The following SHF variants were observed in gnomAD, a reference collection of about 807,000 sequenced individuals.
SHF encodes the protein SH2 domain-containing adapter protein F.
In SHF, 30 loss-of-function variants were observed where a neutral mutation model predicts 42.4. The ratio of observed to expected loss-of-function variants is 0.71; its 90% CI spans 0.53 to 0.96. The LOEUF (loss-of-function observed/expected upper bound fraction) is 0.96, where lower values mean the gene tolerates loss of function less well. Ranked by LOEUF, SHF falls within the 40% of genes least tolerant of loss-of-function variation. The probability of loss-of-function intolerance (pLI) is 0.00; values close to 1 mark genes in which losing one functional copy is unlikely to be tolerated. For missense variants in SHF, 598 were observed against 634.0 expected (o/e 0.94, Z 0.61); for synonymous variants, 264 against 269.9 (o/e 0.98, Z 0.21).
At chr15:45,172,779 G>C (rs1272233956) in intron 4 of SHF, among the ~76,000 whole-genome samples, 4 of 152,096 alleles carry the variant, frequency 2.6e-5, no homozygotes, top group African/African-American at 7.2e-5. Context: ...GGTTCCCCTT[G>C]GTGCCATCCT....
At position 45,187,499 on chromosome 15, in the gene SHF, C is replaced by A; in HGVS notation, c.453G>T (p.Pro151=). ...IRVETPGPPA[P]PADERISGPP... ...GTCCGGAGATCCGCTCATCAGCAGGCGGCGCCGGGGGCCCCGGGGTCTCGA... is the reference window on the plus strand; with the variant it reads ...GTCCGGAGATCCGCTCATCAGCAGGAGGCGCCGGGGGCCCCGGGGTCTCGA... Residue 151 remains proline, a synonymous_variant, in exon 1 of 7, where the codon CCG becomes CCT. Transcript: ENST00000690270. 1 of 1,232,506 alleles carries A rather than the reference C, an allele frequency of 8.1e-7. No homozygotes were observed. Among genetic ancestry groups the A allele is most frequent in the Non-Finnish European group, 1.0e-6 (1 of 988,126 alleles). 76.3% of individuals were successfully genotyped at this position (1,232,506 alleles called of 1,614,324 possible).
At position 45,187,904 on chromosome 15, in the gene SHF, TC is replaced by T; in HGVS notation, c.47del (p.Arg16GlnfsTer32). 1.7e-6 allele frequency: 2 copies of T among 1,166,654 alleles called. No individual in the cohort carries two copies. The highest frequency in any genetic ancestry group is 2.1e-6 in the Non-Finnish European group (2 of 946,642). The allele number at this position is 1,166,654 out of a possible 1,614,324, so 72.3% of individuals were successfully genotyped here. The part of the protein sequence containing the change: ...APPAGSRPGP[R>X]TQGSAGGGPG... ...GGCCGCCCCCAGCGCTCCCCTGCGT[TC>T]GCGGCCCCGGGCGGGAGCCAGCCGG... On this transcript the variant is annotated frameshift_variant, in exon 1 of 7. Transcript: ENST00000690270. LOFTEE classifies it high-confidence loss of function.
exon 1 of SHF, chr15:45,201,071 T>G (rs1899074715): frequency 2.9e-6 from 1 of 339,802 alleles, no homozygotes; most frequent in Admixed American, 3.8e-5. Context: ...TAATGGACGC[T>G]TAGGAAAGCT....
intron 2 of SHF, among the ~76,000 whole-genome samples, chr15:45,196,687 G>T (rs1319502084): frequency 3.3e-5 from 5 of 152,012 alleles, no homozygotes; most frequent in African/African-American, 1.2e-4. Context: ...CACGAGGTCA[G>T]GAGATCGAGA....
intron 1 of SHF, among the ~76,000 whole-genome samples, chr15:45,185,498 T>G (rs1030385418): frequency 6.6e-6 from 1 of 152,208 alleles, no homozygotes; most frequent in Non-Finnish European, 1.5e-5. Flanking sequence ...CCCAGAGAGA[T>G]AGCATCCCTG....
At chr15:45,176,865 C>T (rs911736847) in intron 2 of SHF, among the ~76,000 whole-genome samples, 18 of 152,218 alleles carry the variant, frequency 1.2e-4, no homozygotes, top group Admixed American at 6.5e-4. Context: ...GTCAGCTTCT[C>T]ACTTTCTCCA....
intron 6 of SHF, among the ~76,000 whole-genome samples, chr15:45,168,670 C>T (rs2141329550): frequency 6.6e-6 from 1 of 152,294 alleles, no homozygotes; most frequent in East Asian, 1.9e-4. Context: ...TGGAAGACCC[C>T]CCAAAATCTG....
upstream of SHF, among the ~76,000 whole-genome samples, chr15:45,188,459 C>T (rs574493556): frequency 6.6e-6 from 1 of 152,238 alleles, no homozygotes; most frequent in Non-Finnish European, 1.5e-5. Flanking sequence ...TAAGCCTCCT[C>T]CTCCCGTGCT....
intron 2 of SHF, among the ~76,000 whole-genome samples, chr15:45,176,779 C>G (rs1487369288): frequency 3.3e-5 from 5 of 152,152 alleles, no homozygotes; most frequent in Non-Finnish European, 4.4e-5. Context: ...AAAATGTGCT[C>G]CCATATTTTC....
upstream of SHF, among the ~76,000 whole-genome samples, chr15:45,190,387 T>A (rs971353110): frequency 6.6e-6 from 1 of 152,160 alleles, no homozygotes; most frequent in African/African-American, 2.4e-5. Flanking sequence ...AGGTAACTAA[T>A]AAGAAATCCA....
chr15:45,170,137 G>A (rs1595608282), intron 6 of SHF: 1 of 245,762 alleles, frequency 4.1e-6, no homozygotes, highest in East Asian at 1.2e-4. Context: ...CCCTTACCTT[G>A]GCCTGTACCA....
In SHF at chr15:45,187,880, G is replaced by A; in HGVS notation, c.72C>T (p.Gly24=). ...GPRTQGSAGG[G]PGGSRRGAGG... The stretch of plus-strand genomic sequence containing the variant: ...CGGCGCCCCGGCGGGACCCCCCCGG[G>A]CCGCCCCCAGCGCTCCCCTGCGTTC... Residue 24 remains glycine, a synonymous_variant, in exon 1 of 7, where the codon GGC becomes GGT. Coordinates refer to ENST00000690270, the MANE Select transcript of SHF (RefSeq NM_001394037.1). 1 of 1,174,320 alleles carries A rather than the reference G, an allele frequency of 8.5e-7. No homozygotes were observed. Among genetic ancestry groups the A allele is most frequent in the Non-Finnish European group, 1.1e-6 (1 of 947,766 alleles). 72.7% of individuals were successfully genotyped at this position (1,174,320 alleles called of 1,614,324 possible).
At chr15:45,198,919 G>A in exon 2 of SHF, 2 of 1,613,758 alleles carry the variant, frequency 1.2e-6, no homozygotes, top group Non-Finnish European at 1.7e-6. Flanking sequence ...GGGAGTTTAG[G>A]GGAGACGGCG....
chr15:45,200,802 C>T (rs1327776525), exon 1 of SHF: 1 of 456,132 alleles, frequency 2.2e-6, no homozygotes, highest in Non-Finnish European at 4.4e-6. Context: ...AGCTCCAGTC[C>T]CAGCCAAAGT....
intron 6 of SHF, chr15:45,171,030 A>G (rs921913885): frequency 1.9e-5 from 3 of 155,360 alleles, no homozygotes; most frequent in African/African-American, 7.2e-5. Context: ...GTTCCCATAG[A>G]TTGGATTTGT....
At chr15:45,188,531 C>T (rs1595641381), upstream of SHF, among the ~76,000 whole-genome samples, 1 of 152,346 alleles carries the variant, frequency 6.6e-6, no homozygotes, top group Admixed American at 6.5e-5. Context: ...CCCGAACCTA[C>T]GTTACTTCCC....
intron 6 of SHF, chr15:45,171,666 C>G (rs1275820750): frequency 1.7e-6 from 1 of 596,808 alleles, no homozygotes; most frequent in Non-Finnish European, 3.0e-6. Flanking sequence ...TAGAACAGAA[C>G]CCTTCTGAGC....
In SHF at chr15:45,168,168, G is replaced by T; in HGVS notation, c.1281-35C>A. The T allele has an allele frequency of 3.9e-6, 6 of 1,526,768 alleles. No homozygotes were observed. The South Asian group carries it at 6.5e-5, about 17-fold the overall frequency. 94.6% of individuals were successfully genotyped at this position (1,526,768 alleles called of 1,614,324 possible). On this transcript the variant is annotated intron_variant, in intron 6 of 6. Transcript: ENST00000690270. The stretch of plus-strand genomic sequence containing the variant: ...GGAGAGGAGACTTTGGTGAGTGGGG[G>T]CTCTCCTCAGCCCCCTCATCCATCC...
chr15:45,194,442 C>T (rs1464282702), intron 2 of SHF, among the ~76,000 whole-genome samples: 1 of 151,982 alleles, frequency 6.6e-6, no homozygotes, highest in African/African-American at 2.4e-5. Context: ...ACCTACACCT[C>T]CCGAGTTCCA....
Sources: allele counts gnomAD v4.1 joint callset (sites outside exome capture counted in the v4.1 genomes callset), GRCh38; gene constraint gnomAD v4.1.1; transcripts MANE v1.5; gene names NCBI Gene and HGNC (gene_info 2026-07-23, HGNC 2026-07-21).